CUTA: variants seen among roughly 807,000 people sequenced by gnomAD.
CUTA encodes the protein cutA divalent cation tolerance homolog.
A neutral mutation model predicts 20.7 loss-of-function variants in CUTA; 21 were observed. The ratio of observed to expected loss-of-function variants is 1.01; its 90% CI spans 0.72 to 1.46. The LOEUF (loss-of-function observed/expected upper bound fraction) is 1.46. Among genes scored for constraint, CUTA ranks in the 40% most tolerant of loss-of-function variants. The pLI, the probability that CUTA is intolerant of heterozygous loss-of-function variation, is 0.00. For synonymous variants in CUTA, 99 were observed against 97.9 expected (o/e 1.01, Z -0.07); for missense variants, 231 against 226.8 (o/e 1.02, Z -0.12).
In CUTA at chr6:33,416,505, C is replaced by G. The variant is rs1776487031; in HGVS notation, c.*145G>C. Reference sequence around the variant, plus strand: ...AGGGACTAGAAGCACTTATATTCTCCCAACAAATTTGCATACATGACAAAA... The same window carrying G: ...AGGGACTAGAAGCACTTATATTCTCGCAACAAATTTGCATACATGACAAAA... On this transcript the variant is annotated 3_prime_UTR_variant, in exon 6 of 6. Coordinates refer to ENST00000488034, the MANE Select transcript of CUTA (RefSeq NM_001014840.2). 1.0e-5 allele frequency: 7 copies of G among 667,372 alleles called. No homozygotes were observed. Among genetic ancestry groups the G allele is most frequent in the Non-Finnish European group, 1.7e-5 (6 of 363,184 alleles). The allele number at this position is 667,372 out of a possible 1,614,324, so 41.3% of individuals were successfully genotyped here. A position where few individuals can be genotyped will look rare whatever the true frequency, so the allele number is the denominator to read the frequency against.
rs756644638 is a variant in CUTA, at chr6:33,417,120, C to G, written c.340G>C (p.Glu114Gln). The stretch of plus-strand genomic sequence containing the variant: ...ACCATCAGCACCTCACTGTCTTCCT[C>G]GATCTTCCCTTTCCACTCATAGCTG... ...TSIYEWKGKI[E>Q]EDSEVLMMIK... Residue 114 changes from glutamate to glutamine, a missense_variant, in exon 4 of 6, where the codon GAG (glutamate) becomes CAG (glutamine). Physicochemically the swap from Glu to Gln is conservative, Grantham distance 29 (BLOSUM62 2). Coordinates refer to ENST00000488034, the MANE Select transcript of CUTA (RefSeq NM_001014840.2). 3.5e-5 allele frequency: 57 copies of G among 1,611,388 alleles called. No homozygotes were observed. The South Asian group carries it at 6.2e-4, about 17-fold the overall frequency.
In CUTA at chr6:33,418,106, T is replaced by C. The variant is rs1776625048; in HGVS notation, c.-106A>G. 1 of 1,613,734 alleles carries C rather than the reference T, an allele frequency of 6.2e-7. No individual in the cohort carries two copies. Among genetic ancestry groups the C allele is most frequent in the Non-Finnish European group, 8.5e-7 (1 of 1,179,898 alleles). ...TCTTACCTGGGTGGCAGCCACGTGA[T>C]TAGAAAACAGCGCGCACCATGTGAC... On this transcript the variant is annotated 5_prime_UTR_variant, in exon 1 of 6. Transcript: ENST00000488034. The surrounding 1 kb of genome is among the most constrained non-coding windows in gnomAD (Gnocchi z 5.7).
rs1776568158 is a variant in CUTA, at chr6:33,417,295, C to T, written c.273G>A (p.Lys91=). 1 of 1,614,218 alleles carries T rather than the reference C, an allele frequency of 6.2e-7. No homozygotes were observed. Among genetic ancestry groups the T allele is most frequent in the Non-Finnish European group, 8.5e-7 (1 of 1,180,046 alleles). ...TGAGGTTGACGCAGGCTGCTAGGCG[C>T]TTCTCCACCACGGCCCTGGAGTGAA... ...AKEIARAVVE[K]RLAACVNLIP... The change falls in exon 3 of 6, where the codon AAG becomes AAA. Residue 91 remains lysine, a synonymous_variant. Coordinates refer to ENST00000488034, the MANE Select transcript of CUTA (RefSeq NM_001014840.2).
Position 33,416,685 on chromosome 6 carries a change from CTG to C in CUTA, c.503_504del (p.Thr168ArgfsTer5), listed in dbSNP as rs774504365. ...FPYLQWVRQVTESVSDSITVL... is the reference protein window; with the variant it reads ...FPYLQWVRQVXESVSDSITVL... Reference sequence around the variant, plus strand: ...ACTGTGATAGAGTCAGAAACTGACTCTGTGACCTGGCGCACCCACTGCAGGTA... The same window carrying C: ...ACTGTGATAGAGTCAGAAACTGACTCTGACCTGGCGCACCCACTGCAGGTA... On this transcript the variant is annotated frameshift_variant, in exon 6 of 6. Transcript: ENST00000488034. LOFTEE classifies it high-confidence loss of function. The C allele has an allele frequency of 3.4e-5, 55 of 1,612,976 alleles. No individual in the cohort carries two copies. Among genetic ancestry groups the C allele is most frequent in the Admixed American group, 1.7e-4 (10 of 60,026 alleles).
At position 33,417,106 on chromosome 6, in the gene CUTA, C is replaced by T. The variant is rs1776556073; in HGVS notation, c.354G>A (p.Glu118=). The change falls in exon 4 of 6, where the codon GAG becomes GAA. Residue 118 remains glutamate (E), a synonymous_variant. Transcript: ENST00000488034. The part of the protein sequence containing the change: ...EWKGKIEEDS[E]VLMMIKTQSS... ...GGGAAATGTTTCTCACCATCAGCAC[C>T]TCACTGTCTTCCTCGATCTTCCCTT... The T allele has an allele frequency of 5.1e-5, 83 of 1,611,748 alleles. No individual in the cohort carries two copies. The highest frequency in any genetic ancestry group is 7.0e-5 in the Non-Finnish European group (82 of 1,178,292).
intron 1 of CUTA, 30 bp downstream of exon 1, chr6:33,417,929 G>T: frequency 6.3e-7 from 1 of 1,592,204 alleles, no homozygotes. Context: ...TTCGAGGACC[G>T]GAAGGGGCGG....
At chr6:33,416,873 C>T in intron 5 of CUTA, 47 bp downstream of exon 5, 1 of 1,611,288 alleles carries the variant, frequency 6.2e-7, no homozygotes, top group Non-Finnish European at 8.5e-7. Context: ...CAGCAAGTCA[C>T]ACCCACACAG....
At position 33,417,807 on chromosome 6, in the gene CUTA, A is replaced by G. The variant is rs1776604261; in HGVS notation, c.43-112T>C. 6.5e-6 allele frequency: 10 copies of G among 1,544,278 alleles called. No homozygotes were observed. The South Asian group carries it at 1.2e-4, about 18-fold the overall frequency. ...CTGCCCTCCCTCTGATGCACCCCCG[A>G]AGAATGCCCCTGAAGGTGAGAGAGA... On this transcript the variant is annotated intron_variant, in intron 1 of 5. Coordinates refer to ENST00000488034, the MANE Select transcript of CUTA (RefSeq NM_001014840.2).
At position 33,416,557 on chromosome 6, in the gene CUTA, A is replaced by AGACG; in HGVS notation, c.*89_*92dup. 1.2e-6 allele frequency: 1 copy of AGACG among 810,870 alleles called. No individual in the cohort carries two copies. The highest frequency in any genetic ancestry group is 2.2e-6 in the Non-Finnish European group (1 of 462,862). The allele number at this position is 810,870 out of a possible 1,614,324, so 50.2% of individuals were successfully genotyped here. A position where few individuals can be genotyped will look rare whatever the true frequency, so the allele number is the denominator to read the frequency against. On this transcript the variant is annotated 3_prime_UTR_variant, in exon 6 of 6. Coordinates refer to ENST00000488034, the MANE Select transcript of CUTA (RefSeq NM_001014840.2). ...ACAGGCAAAAGGCAGAGAGACCCAAAGACGGGATTTATTGGGGGCCCAGTC... is the reference window on the plus strand; with the variant it reads ...ACAGGCAAAAGGCAGAGAGACCCAAAGACGGACGGGATTTATTGGGGGCCCAGTC...
rs763754766 is a variant in CUTA at position 33,417,157 on chromosome 6, G to C, written c.318-15C>G. ...TCCACTCATAGCTGAAAGGTCAGAG[G>C]GGGAGAGTTGTGGGGAGCAAAGAAT... On this transcript the variant is annotated splice_polypyrimidine_tract_variant and intron_variant, in intron 3 of 5. Coordinates refer to ENST00000488034, the MANE Select transcript of CUTA (RefSeq NM_001014840.2). 122 of 1,612,208 alleles carry C rather than the reference G, an allele frequency of 7.6e-5. No individual in the cohort carries two copies. Among genetic ancestry groups the C allele is most frequent in the Non-Finnish European group, 9.6e-5 (113 of 1,178,728 alleles).
At position 33,416,496 on chromosome 6, in the gene CUTA, T is replaced by C. The variant is rs1349721674; in HGVS notation, c.*154A>G. On this transcript the variant is annotated 3_prime_UTR_variant, in exon 6 of 6. Transcript: ENST00000488034. ...AGAGAATACAGGGACTAGAAGCACT[T>C]ATATTCTCCCAACAAATTTGCATAC... 1.5e-6 allele frequency: 1 copy of C among 652,418 alleles called. No individual in the cohort carries two copies. The highest frequency in any genetic ancestry group is 2.8e-6 in the Non-Finnish European group (1 of 355,268). The allele number at this position is 652,418 out of a possible 1,614,324, so 40.4% of individuals were successfully genotyped here. A position where few individuals can be genotyped will look rare whatever the true frequency, so the allele number is the denominator to read the frequency against.
rs1776495664 is a variant in CUTA, at chr6:33,416,596, C to CAGA, written c.*51_*53dup. 1 of 1,053,298 alleles carries CAGA rather than the reference C, an allele frequency of 9.5e-7. No homozygotes were observed. The highest frequency in any genetic ancestry group is 1.5e-6 in the Non-Finnish European group (1 of 670,952). 65.2% of individuals were successfully genotyped at this position (1,053,298 alleles called of 1,614,324 possible). ...GGGGGCCCAGTCATCACCTGGAAGTCAGAAGGCGTTGAAGTATCGCGGGGA... is the reference window on the plus strand; with the variant it reads ...GGGGGCCCAGTCATCACCTGGAAGTCAGAAGAAGGCGTTGAAGTATCGCGGGGA... On this transcript the variant is annotated 3_prime_UTR_variant, in exon 6 of 6. Transcript: ENST00000488034.
Position 33,416,656 on chromosome 6 carries a change from C to A in CUTA, c.534G>T (p.Leu178=), listed in dbSNP as rs1562860777. 1 of 1,554,858 alleles carries A rather than the reference C, an allele frequency of 6.4e-7. No homozygotes were observed. Among genetic ancestry groups the A allele is most frequent in the Admixed American group, 1.7e-5 (1 of 59,924 alleles). ...TESVSDSITV[L]P The stretch of plus-strand genomic sequence containing the variant: ...TGAGCAGGAACAGGGCTCATCATGG[C>A]AGGACTGTGATAGAGTCAGAAACTG... The change falls in exon 6 of 6, where the codon CTG becomes CTT. Residue 178 remains leucine (L), a synonymous_variant. Transcript: ENST00000488034.
intron 1 of CUTA, 75 bp from the exon 2 acceptor site, chr6:33,417,770 G>C (rs1776603052): frequency 1.9e-6 from 3 of 1,550,020 alleles, no homozygotes; most frequent in Admixed American, 3.9e-5. Context: ...CCTTCGCTTA[G>C]ATCCTCAGGC....
Position 33,416,582 on chromosome 6 carries a change from C to T in CUTA, c.*68G>A. 1.1e-6 allele frequency: 1 copy of T among 946,976 alleles called. No individual in the cohort carries two copies. The highest frequency in any genetic ancestry group is 1.7e-6 in the Non-Finnish European group (1 of 576,754). 58.7% of individuals were successfully genotyped at this position (946,976 alleles called of 1,614,324 possible). ...AGACGGGATTTATTGGGGGCCCAGT[C>T]ATCACCTGGAAGTCAGAAGGCGTTG... On this transcript the variant is annotated 3_prime_UTR_variant, in exon 6 of 6. Coordinates refer to ENST00000488034, the MANE Select transcript of CUTA (RefSeq NM_001014840.2).
chr6:33,416,837 CCCTT>C (rs1776530321), intron 5 of CUTA, 61 bp from the exon 6 acceptor site: 1 of 1,605,582 alleles, frequency 6.2e-7, no homozygotes, highest in African/African-American at 1.3e-5. Flanking sequence ...AGAACCCACT[CCCTT>C]ACACGCAAGC....
chr6:33,417,895 T>C (rs574096930), intron 1 of CUTA, 64 bp downstream of exon 1: 16 of 1,579,394 alleles, frequency 1.0e-5, no homozygotes, highest in South Asian at 3.4e-5. Flanking sequence ...CTCTGGGATT[T>C]AGGGTGCGGG....
chr6:33,416,841 T>C, intron 5 of CUTA, 65 bp from the exon 6 acceptor site: 1 of 1,606,428 alleles, frequency 6.2e-7, no homozygotes, highest in Non-Finnish European at 8.5e-7. Context: ...CCCACTCCCT[T>C]ACACGCAAGC....
Position 33,417,704 on chromosome 6 carries a change from AG to A in CUTA, c.43-10del. ...GACAGGAGCAGAGAGGCCTGAGAGC[AG>A]GAGGCGAATTCGATCTCTCCTCACA... On this transcript the variant is annotated splice_polypyrimidine_tract_variant and intron_variant, in intron 1 of 5. Coordinates refer to ENST00000488034, the MANE Select transcript of CUTA (RefSeq NM_001014840.2). The A allele has an allele frequency of 6.3e-7, 1 of 1,597,742 alleles. No individual in the cohort carries two copies. The highest frequency in any genetic ancestry group is 1.1e-5 in the South Asian group (1 of 90,252).
Sources: allele counts gnomAD v4.1 joint callset, GRCh38; gene constraint gnomAD v4.1.1; non-coding constraint Gnocchi (gnomAD v3.1); transcripts MANE v1.5; gene names NCBI Gene and HGNC (gene_info 2026-07-23, HGNC 2026-07-21).